The following DOCK10 variants were observed in gnomAD, a reference collection of about 807,000 sequenced individuals.
The protein encoded by DOCK10 is dedicator of cytokinesis 10, also known as dedicator of cytokinesis protein 10.
In DOCK10, 145 loss-of-function variants were observed where a neutral mutation model predicts 280.1. The ratio of observed to expected loss-of-function variants is 0.52; its 90% confidence interval spans 0.45 to 0.59. The LOEUF (loss-of-function observed/expected upper bound fraction) is 0.59, where lower values mean the gene tolerates loss of function less well. Among genes scored for constraint, DOCK10 ranks in the 20% least tolerant of loss-of-function variants. DOCK10 has a pLI of 0.00. For synonymous variants in DOCK10, 915 were observed against 942.2 expected, an observed-to-expected ratio of 0.97 and a Z score of 0.53; for missense variants, 2,368 against 2,651.7, an observed-to-expected ratio of 0.89 and a Z score of 2.35.
chr2:224,911,785 A>T lies in DOCK10; in HGVS notation c.333+4910T>A, dbSNP rs191901235. Among the ~76,000 whole-genome samples, 3 of 152,326 alleles carry T rather than the reference A, an allele frequency of 2.0e-5. No homozygotes were observed. In the East Asian group the frequency reaches 5.8e-4, roughly 29 times the overall value. On this transcript the variant is annotated intron_variant, in intron 3 of 55. Transcript: ENST00000258390. Reference sequence around the variant, plus strand: ...AAATGCCGTATACACCCCCAAAGAGAGCAAAAGGACCATGAAATGAAAAGT... The same window carrying T: ...AAATGCCGTATACACCCCCAAAGAGTGCAAAAGGACCATGAAATGAAAAGT...
intron 28 of DOCK10, among the ~76,000 whole-genome samples, chr2:224,822,630 T>C (rs1174976759): frequency 6.6e-6 from 1 of 152,118 alleles, no homozygotes; most frequent in Non-Finnish European, 1.5e-5. Flanking sequence ...GAGGATCGCC[T>C]GAGCCCAGGG....
intron 51 of DOCK10, among the ~76,000 whole-genome samples, chr2:224,777,082 A>T (rs1297061185): frequency 6.6e-6 from 1 of 152,234 alleles, no homozygotes; most frequent in Non-Finnish European, 1.5e-5. Context: ...GGCATTCAGC[A>T]GGCATTTGAT....
intron 1 of DOCK10, among the ~76,000 whole-genome samples, chr2:224,958,846 A>G (rs1457578848): frequency 6.6e-6 from 1 of 152,206 alleles, no homozygotes; most frequent in Non-Finnish European, 1.5e-5. Context: ...ACAGCAGAAA[A>G]GAGTATTGCA....
intron 1 of DOCK10, among the ~76,000 whole-genome samples, chr2:225,035,534 G>GAT (rs1187529768): frequency 2.1e-4 from 12 of 58,216 alleles, no homozygotes; most frequent in South Asian, 5.9e-4. Context: ...TATATGATAT[G>GAT]ATATATATTA....
Position 225,035,571 on chromosome 2 carries a change from TATA to T in DOCK10, c.123+6678_123+6680del, listed in dbSNP as rs1277792529. Among the ~76,000 whole-genome samples, 40 of 43,868 alleles carry T rather than the reference TATA, an allele frequency of 9.1e-4. 4 individuals are homozygous for T. The highest frequency in any genetic ancestry group is 2.2e-3 in the Non-Finnish European group (38 of 17,268). The allele number at this position is 43,868 out of a possible 152,430, so 28.8% of individuals were successfully genotyped here. A position where few individuals can be genotyped will look rare whatever the true frequency, so the allele number is the denominator to read the frequency against. The stretch of plus-strand genomic sequence containing the variant: ...ATATATATATATATATATATATATA[TATA>T]TATATATATATATAACACTGAATCA... On this transcript the variant is annotated intron_variant, in intron 1 of 55. Transcript: ENST00000258390.
At chr2:225,015,726 G>A (rs1468480420) in intron 1 of DOCK10, among the ~76,000 whole-genome samples, 11 of 152,084 alleles carry the variant, frequency 7.2e-5, no homozygotes, top group African/African-American at 2.2e-4. Flanking sequence ...GCTTCTAGAC[G>A]CGCTATTTCT....
At chr2:224,852,352 G>C in intron 18 of DOCK10, 25 bp downstream of exon 18, 1 of 1,552,996 alleles carries the variant, frequency 6.4e-7, no homozygotes, top group South Asian at 1.2e-5. Flanking sequence ...ACTTTATGCT[G>C]GGTCCCTTTG....
chr2:224,823,576 G>T lies in DOCK10; in HGVS notation c.3108C>A (p.Asp1036Glu). 6.2e-7 allele frequency: 1 copy of T among 1,608,288 alleles called. No homozygotes were observed. Among genetic ancestry groups the T allele is most frequent in the Non-Finnish European group, 8.5e-7 (1 of 1,178,252 alleles). ...CATCCTTGTATTTCCAAATCACATGGTCGGATAGGACCATGACAAGATTGT... is the reference window on the plus strand; with the variant it reads ...CATCCTTGTATTTCCAAATCACATGTTCGGATAGGACCATGACAAGATTGT... The part of the protein sequence containing the change: ...ELDNLVMVLS[D>E]HVIWKYKDAL... Residue 1036 changes from aspartate to glutamate, a missense_variant, in exon 28 of 56, where the codon GAC becomes GAA. Physicochemically the swap from Asp to Glu is conservative, Grantham distance 45. Coordinates refer to ENST00000258390, the MANE Select transcript of DOCK10 (RefSeq NM_014689.3).
intron 1 of DOCK10, among the ~76,000 whole-genome samples, chr2:224,942,576 G>C (rs1703157686): frequency 6.6e-6 from 1 of 152,166 alleles, no homozygotes; most frequent in African/African-American, 2.4e-5. Context: ...ACAAAACAAA[G>C]AGATAGCACC....
intron 1 of DOCK10, among the ~76,000 whole-genome samples, chr2:224,958,617 A>C (rs376107347): frequency 1.1e-4 from 16 of 152,276 alleles, no homozygotes; most frequent in African/African-American, 3.9e-4. Flanking sequence ...TTTATCCCAC[A>C]AAGAAGACTC....
chr2:225,040,509 AGTGC>A (rs1306986916), intron 1 of DOCK10, among the ~76,000 whole-genome samples: 2 of 99,558 alleles, frequency 2.0e-5, no homozygotes, highest in East Asian at 6.4e-4. Context: ...TGGAGAAAGC[AGTGC>A]GTGTGTGTGT....
intron 3 of DOCK10, among the ~76,000 whole-genome samples, chr2:224,910,330 C>A (rs1347688812): frequency 6.6e-6 from 1 of 152,192 alleles, no homozygotes; most frequent in East Asian, 1.9e-4. Flanking sequence ...TGAGCAGAAA[C>A]CACAGTGGGG....
At chr2:225,041,938 G>A (rs1690440180) in intron 1 of DOCK10, among the ~76,000 whole-genome samples, 1 of 152,178 alleles carries the variant, frequency 6.6e-6, no homozygotes, top group African/African-American at 2.4e-5. Flanking sequence ...TGTGACTGGC[G>A]GTGCATTCCG....
chr2:224,786,273 T>C lies in DOCK10; in HGVS notation c.5655+749A>G, dbSNP rs984440687. On this transcript the variant is annotated intron_variant, in intron 50 of 55. Coordinates refer to ENST00000258390, the MANE Select transcript of DOCK10 (RefSeq NM_014689.3). This position sits in a 1 kb window ranked among gnomAD's most constrained non-coding sequence, Gnocchi z 4.7. ...CGAAAATAAAAGCATGGGATGTCTA[T>C]CCACACAAGCAACAGTCTAAAATAC... Among the ~76,000 whole-genome samples the C allele has an allele frequency of 6.6e-6, 1 of 152,166 alleles. No individual in the cohort carries two copies. The highest frequency in any genetic ancestry group is 1.5e-5 in the Non-Finnish European group (1 of 68,038).
chr2:224,841,764 T>C, intron 23 of DOCK10, 40 bp downstream of exon 23: 2 of 1,403,456 alleles, frequency 1.4e-6, no homozygotes, highest in Admixed American at 1.7e-5. Flanking sequence ...TGCACATTTT[T>C]ACCCTGGAGA....
chr2:224,804,073 C>T lies in DOCK10; in HGVS notation c.4268+39G>A, dbSNP rs537612809. The T allele has an allele frequency of 4.9e-6, 6 of 1,236,734 alleles. No homozygotes were observed. In the Admixed American group the frequency reaches 1.1e-4, roughly 22 times the overall value. 76.6% of individuals were successfully genotyped at this position (1,236,734 alleles called of 1,614,324 possible). On this transcript the variant is annotated intron_variant, in intron 39 of 55. Transcript: ENST00000258390. Reference sequence around the variant, plus strand: ...TGCATATACAGACACACACACACAGCTATATATAATTTTAAATACCAAGCA... The same window carrying T: ...TGCATATACAGACACACACACACAGTTATATATAATTTTAAATACCAAGCA...
At chr2:224,929,465 T>C (rs996728231) in intron 2 of DOCK10, among the ~76,000 whole-genome samples, 2 of 151,992 alleles carry the variant, frequency 1.3e-5, no homozygotes, top group African/African-American at 2.4e-5. Context: ...CGGTGTATGA[T>C]GGGCCGGGAT....
intron 13 of DOCK10, 29 bp from the exon 14 acceptor site, chr2:224,862,775 TTAGAA>T (rs1559592683): frequency 1.5e-6 from 2 of 1,372,808 alleles, no homozygotes; most frequent in Admixed American, 1.9e-5. Context: ...CAAATATTGT[TTAGAA>T]TAGCACTTTA....
At position 225,013,917 on chromosome 2, in the gene DOCK10, G is replaced by A. The variant is rs1478126339; in HGVS notation, c.123+28335C>T. Among the ~76,000 whole-genome samples the A allele has an allele frequency of 2.0e-5, 3 of 151,970 alleles. No homozygotes were observed. In the East Asian group the frequency reaches 5.8e-4, roughly 29 times the overall value. On this transcript the variant is annotated intron_variant, in intron 1 of 55. Transcript: ENST00000258390. ...AGGAGGCAATAGTAAGTGACAAAAA[G>A]TAGATAAGTAACTCAAGAAATATAG...
Sources: allele counts gnomAD v4.1 joint callset (sites outside exome capture counted in the v4.1 genomes callset), GRCh38; gene constraint gnomAD v4.1.1; non-coding constraint Gnocchi (gnomAD v3.1); transcripts MANE v1.5; gene names NCBI Gene and HGNC (gene_info 2026-07-23, HGNC 2026-07-21).